Variants in NTM observed in about 807,000 individuals in gnomAD.
The protein encoded by NTM is IgLON family member 2.
NTM carries 13 observed loss-of-function variants against 42.1 expected under a neutral mutation model. That is an observed-to-expected ratio of 0.31 (90% CI 0.20 to 0.49). The LOEUF (loss-of-function observed/expected upper bound fraction) is 0.49, where lower values mean the gene tolerates loss of function less well. Among genes scored for constraint, NTM ranks in the 20% least tolerant of loss-of-function variants. NTM has a pLI of 0.99. For synonymous variants in NTM, 187 were observed against 179.2 expected (o/e 1.04, Z -0.35); for missense variants, 373 against 452.8 (o/e 0.82, Z 1.60).
chr11:131,679,890 G>T (rs569462470), intron 1 of NTM, among the ~76,000 whole-genome samples: 1 of 152,252 alleles, frequency 6.6e-6, no homozygotes, highest in Admixed American at 6.5e-5. Context: ...GCTTTCCGAT[G>T]GAGAAGGCTA....
intron 1 of NTM, among the ~76,000 whole-genome samples, chr11:131,417,074 G>T (rs1239470302): frequency 2.6e-5 from 4 of 152,132 alleles, no homozygotes; most frequent in Non-Finnish European, 5.9e-5. Flanking sequence ...CTAATGAATT[G>T]TATCATTTTT....
chr11:131,839,404 A>G (rs2043938646), intron 1 of NTM, among the ~76,000 whole-genome samples: 1 of 152,196 alleles, frequency 6.6e-6, no homozygotes, highest in Admixed American at 6.5e-5. Flanking sequence ...TAGAGCAAAT[A>G]TGTGAAGGAG....
intron 1 of NTM, among the ~76,000 whole-genome samples, chr11:131,376,226 A>G (rs952664948): frequency 2.4e-4 from 37 of 152,352 alleles, no homozygotes; most frequent in African/African-American, 8.4e-4. Context: ...CTGGGATCCT[A>G]TTAATTACAG....
chr11:132,146,459 C>A lies in NTM; in HGVS notation c.345C>A (p.Cys115Ter). 6.2e-7 allele frequency: 1 copy of A among 1,614,156 alleles called. No homozygotes were observed. Among genetic ancestry groups the A allele is most frequent in the Non-Finnish European group, 8.5e-7 (1 of 1,180,028 alleles). ...VDVYDEGPYT[C>*]SVQTDNHPKT... ...TGTATGACGAGGGCCCTTACACCTGCTCGGTGCAGACAGACAACCACCCAA... is the reference window on the plus strand; with the variant it reads ...TGTATGACGAGGGCCCTTACACCTGATCGGTGCAGACAGACAACCACCCAA... The change falls in exon 3 of 9, where the codon TGC (cysteine) becomes TGA (stop). Residue 115 changes from cysteine to a stop codon, truncating the protein, a stop_gained. Coordinates refer to ENST00000683400, the MANE Select transcript of NTM (RefSeq NM_001352005.2). LOFTEE classifies it high-confidence loss of function. This position sits in a 1 kb window ranked among gnomAD's most constrained non-coding sequence, Gnocchi z 4.5.
intron 2 of NTM, among the ~76,000 whole-genome samples, chr11:132,032,204 C>G (rs747552608): frequency 6.6e-5 from 10 of 152,176 alleles, no homozygotes; most frequent in Non-Finnish European, 1.5e-4. Context: ...CCCTCTCCCA[C>G]TTTGGCTTCT....
chr11:132,125,910 A>ATG (rs146616446), intron 2 of NTM, among the ~76,000 whole-genome samples: 4,511 of 149,582 alleles, frequency 0.03, 85 homozygotes, highest in Middle Eastern at 0.078. Flanking sequence ...ATGTGTTTGT[A>ATG]TGTGTGTGTG....
chr11:131,902,323 ATCT>A (rs1442787694), intron 1 of NTM, among the ~76,000 whole-genome samples: 2 of 152,230 alleles, frequency 1.3e-5, no homozygotes, highest in East Asian at 3.8e-4. Context: ...GAGTATGTTT[ATCT>A]TCTTAAAATG....
intron 2 of NTM, among the ~76,000 whole-genome samples, chr11:132,108,613 C>T (rs1179326881): frequency 1.3e-5 from 2 of 152,024 alleles, no homozygotes. Flanking sequence ...ACCAAAATCT[C>T]AGAAATCACC....
At chr11:131,898,362 T>C (rs912424274) in intron 1 of NTM, among the ~76,000 whole-genome samples, 1 of 152,224 alleles carries the variant, frequency 6.6e-6, no homozygotes, top group Non-Finnish European at 1.5e-5. Flanking sequence ...ATTTTTTACA[T>C]GTTTATTCAT....
intron 1 of NTM, among the ~76,000 whole-genome samples, chr11:131,789,977 A>G (rs1191584281): frequency 6.6e-6 from 1 of 150,898 alleles, no homozygotes; most frequent in South Asian, 2.1e-4. Context: ...AAAAAAAAAA[A>G]AAAAGCATGC....
chr11:132,123,935 C>T (rs1010972832), intron 2 of NTM, among the ~76,000 whole-genome samples: 1 of 152,142 alleles, frequency 6.6e-6, no homozygotes, highest in Non-Finnish European at 1.5e-5. Context: ...TTAGAGTGTC[C>T]GTCTCCTGGA....
chr11:132,035,701 G>T (rs1316668152), intron 2 of NTM, among the ~76,000 whole-genome samples: 1 of 152,008 alleles, frequency 6.6e-6, no homozygotes, highest in Non-Finnish European at 1.5e-5. Flanking sequence ...TAATGTTCCT[G>T]TGTGCGTGAG....
At chr11:132,108,213 C>T (rs1187176932) in intron 2 of NTM, among the ~76,000 whole-genome samples, 1 of 152,118 alleles carries the variant, frequency 6.6e-6, no homozygotes, top group East Asian at 1.9e-4. Flanking sequence ...CACTTCATAC[C>T]TTTACCTCTA....
rs10450638 is a variant in NTM at position 131,946,187 on chromosome 11, C to T, written c.167+34539C>T. On this transcript the variant is annotated intron_variant, in intron 2 of 8. Transcript: ENST00000683400. ...TGGGTCATGCAGGCAGTGGGAGACT[C>T]GCGGGAGACTGGGAGATGGGGAGAC... 6.1e-3 allele frequency among the ~76,000 whole-genome samples: 931 copies of T among 152,132 alleles called. 7 individuals are homozygous for T. Among genetic ancestry groups the T allele is most frequent in the African/African-American group, 0.021 (888 of 41,470 alleles).
At chr11:132,056,971 G>C (rs548102778) in intron 2 of NTM, among the ~76,000 whole-genome samples, 1 of 152,158 alleles carries the variant, frequency 6.6e-6, no homozygotes, top group African/African-American at 2.4e-5. Context: ...CTGCTTTGTC[G>C]TATAGCAGTG....
At chr11:131,655,250 T>C (rs1461154649) in intron 1 of NTM, among the ~76,000 whole-genome samples, 2 of 152,236 alleles carry the variant, frequency 1.3e-5, no homozygotes, top group Non-Finnish European at 2.9e-5. Flanking sequence ...TGAGAACTAC[T>C]GGCTTAGTAT....
intron 1 of NTM, among the ~76,000 whole-genome samples, chr11:131,791,711 C>A (rs1005673133): frequency 6.6e-6 from 1 of 152,150 alleles, no homozygotes; most frequent in Non-Finnish European, 1.5e-5. Context: ...AAGTATCTGT[C>A]GGATGTGTGA....
chr11:131,925,577 G>T (rs988214866), intron 2 of NTM, among the ~76,000 whole-genome samples: 1 of 151,722 alleles, frequency 6.6e-6, no homozygotes, highest in Admixed American at 6.6e-5. Context: ...TGAGAGACAG[G>T]GTTTCACCAT....
At chr11:132,229,226 G>A (rs1433789565) in intron 4 of NTM, among the ~76,000 whole-genome samples, 2 of 152,034 alleles carry the variant, frequency 1.3e-5, no homozygotes, top group African/African-American at 4.8e-5. Context: ...TTTTCTTGAC[G>A]GCCTTATGAT....
Sources: allele counts gnomAD v4.1 joint callset (sites outside exome capture counted in the v4.1 genomes callset), GRCh38; gene constraint gnomAD v4.1.1; non-coding constraint Gnocchi (gnomAD v3.1); transcripts MANE v1.5; gene names NCBI Gene and HGNC (gene_info 2026-07-23, HGNC 2026-07-21).